Variants in CCDC85A observed in about 807,000 individuals in gnomAD.
CCDC85A encodes the protein coiled-coil domain containing 85A.
In CCDC85A, 38 loss-of-function variants were observed where a neutral mutation model predicts 50.2. The ratio of observed to expected loss-of-function variants is 0.76; its 90% CI spans 0.58 to 0.99. The LOEUF (loss-of-function observed/expected upper bound fraction) is 0.99, where lower values mean the gene tolerates loss of function less well. Among genes scored for constraint, CCDC85A ranks in the 50% least tolerant of loss-of-function variants. The pLI is 0.00. For synonymous variants in CCDC85A, 366 were observed against 301.4 expected (o/e 1.21, Z -2.22); for missense variants, 820 against 742.0 (o/e 1.11, Z -1.22).
upstream of CCDC85A, chr2:56,183,862 G>T: frequency 2.0e-6 from 2 of 985,078 alleles, no homozygotes; most frequent in Non-Finnish European, 2.4e-6. Flanking sequence ...AGGACAGCCG[G>T]GAGCGCACCT....
intron 2 of CCDC85A, among the ~76,000 whole-genome samples, chr2:56,303,276 A>G (rs2104197918): frequency 6.6e-6 from 1 of 152,264 alleles, no homozygotes; most frequent in Non-Finnish European, 1.5e-5. Context: ...TTATGTTGTA[A>G]TATTAAATGA....
chr2:56,184,877 C>T lies in CCDC85A; in HGVS notation c.253C>T (p.Leu85Phe). 1 of 1,527,258 alleles carries T rather than the reference C, an allele frequency of 6.5e-7. No homozygotes were observed. Among genetic ancestry groups the T allele is most frequent in the Non-Finnish European group, 8.8e-7 (1 of 1,140,324 alleles). 94.6% of individuals were successfully genotyped at this position (1,527,258 alleles called of 1,614,324 possible). Residue 85 changes from leucine to phenylalanine, a missense_variant, in exon 1 of 6, where the codon CTC (leucine) becomes TTC (phenylalanine). Coordinates refer to ENST00000407595, the MANE Select transcript of CCDC85A (RefSeq NM_001080433.2). ...REVNRRLQLH[L>F]GEIRGLKDIN... ...GGTGAACCGCCGCCTGCAGCTGCACCTCGGCGAGATCCGCGGCCTCAAGGT... is the reference window on the plus strand; with the variant it reads ...GGTGAACCGCCGCCTGCAGCTGCACTTCGGCGAGATCCGCGGCCTCAAGGT...
At chr2:56,347,641 T>A (rs1262954307) in intron 3 of CCDC85A, among the ~76,000 whole-genome samples, 1 of 124,506 alleles carries the variant, frequency 8.0e-6, no homozygotes, top group Non-Finnish European at 1.9e-5. Context: ...TACACACAAA[T>A]TCCCACCCCT....
intron 2 of CCDC85A, among the ~76,000 whole-genome samples, chr2:56,337,542 A>G (rs574556024): frequency 5.8e-4 from 88 of 152,222 alleles, no homozygotes; most frequent in Middle Eastern, 3.4e-3. Flanking sequence ...TGTTTACAAT[A>G]GGATCATTTT....
intron 2 of CCDC85A, among the ~76,000 whole-genome samples, chr2:56,301,185 T>A: frequency 6.6e-6 from 1 of 152,240 alleles, no homozygotes; most frequent in East Asian, 1.9e-4. Context: ...ACAATATTTC[T>A]GTTGTATGAA....
At chr2:56,253,310 A>G (rs1478328041) in intron 2 of CCDC85A, among the ~76,000 whole-genome samples, 2 of 152,202 alleles carry the variant, frequency 1.3e-5, no homozygotes, top group Non-Finnish European at 2.9e-5. Flanking sequence ...TGAGGAAAGT[A>G]TTGCCTGAGC....
intron 2 of CCDC85A, among the ~76,000 whole-genome samples, chr2:56,289,326 A>G (rs576732869): frequency 1.3e-5 from 2 of 152,242 alleles, no homozygotes; most frequent in South Asian, 4.1e-4. Context: ...AGTTGTCAAG[A>G]AAATAGATCA....
chr2:56,282,881 G>A (rs191342883), intron 2 of CCDC85A, among the ~76,000 whole-genome samples: 45 of 152,298 alleles, frequency 3.0e-4, no homozygotes, highest in African/African-American at 9.9e-4. Flanking sequence ...TAGTAGCACT[G>A]CACATCTTTT....
At chr2:56,304,644 G>A (rs1456269933) in intron 2 of CCDC85A, among the ~76,000 whole-genome samples, 1 of 152,136 alleles carries the variant, frequency 6.6e-6, no homozygotes, top group Non-Finnish European at 1.5e-5. Flanking sequence ...TTCACCTACT[G>A]CTCACTCTCT....
chr2:56,332,883 A>T lies in CCDC85A; in HGVS notation c.1241-9996A>T, dbSNP rs147549933. Among the ~76,000 whole-genome samples the T allele has an allele frequency of 4.6e-3, 695 of 152,274 alleles. 2 individuals carry two copies. The highest frequency in any genetic ancestry group is 6.8e-3 in the Middle Eastern group (2 of 294). On this transcript the variant is annotated intron_variant, in intron 2 of 5. Coordinates refer to ENST00000407595, the MANE Select transcript of CCDC85A (RefSeq NM_001080433.2). ...AGAATTGGAATTAGGCCCTATTTAAATACAAATCCTGTTTTGGCTGAAATA... is the reference window on the plus strand; with the variant it reads ...AGAATTGGAATTAGGCCCTATTTAATTACAAATCCTGTTTTGGCTGAAATA...
chr2:56,338,758 A>G (rs887164952), intron 2 of CCDC85A, among the ~76,000 whole-genome samples: 3 of 152,158 alleles, frequency 2.0e-5, no homozygotes, highest in East Asian at 1.9e-4. Context: ...TTCTCATGTC[A>G]CAGTTGGGAG....
intron 4 of CCDC85A, 133 bp from the exon 5 acceptor site, chr2:56,375,683 A>C (rs1478485670): frequency 2.4e-6 from 2 of 844,762 alleles, no homozygotes; most frequent in Non-Finnish European, 3.8e-6. Flanking sequence ...GATTGATAGC[A>C]TTGTAGACTA....
At chr2:56,353,254 G>T (rs1165518679) in intron 3 of CCDC85A, among the ~76,000 whole-genome samples, 1 of 152,208 alleles carries the variant, frequency 6.6e-6, no homozygotes, top group Admixed American at 6.5e-5. Context: ...AGTCTAATCA[G>T]TGTTGGTTTT....
At chr2:56,183,926 G>C (rs2103792875), upstream of CCDC85A, 1 of 985,434 alleles carries the variant, frequency 1.0e-6, no homozygotes, top group Middle Eastern at 5.2e-4. Flanking sequence ...TGCGGGAGCT[G>C]CTGCGGGTTA....
intron 2 of CCDC85A, among the ~76,000 whole-genome samples, chr2:56,240,132 C>A (rs1435652970): frequency 6.6e-6 from 1 of 152,030 alleles, no homozygotes; most frequent in African/African-American, 2.4e-5. Context: ...TTTCATCATC[C>A]CAAAAAGAGA....
intron 2 of CCDC85A, among the ~76,000 whole-genome samples, chr2:56,300,631 A>T (rs1672159344): frequency 6.6e-6 from 1 of 152,220 alleles, no homozygotes; most frequent in African/African-American, 2.4e-5. Flanking sequence ...ACTTTCAAGA[A>T]GGGAATACCT....
chr2:56,360,922 C>G (rs1282212611), intron 3 of CCDC85A, among the ~76,000 whole-genome samples: 1 of 152,196 alleles, frequency 6.6e-6, no homozygotes, highest in Non-Finnish European at 1.5e-5. Flanking sequence ...AGTGGGCTTC[C>G]ACTGCTTTTC....
rs2103983497 is a variant in CCDC85A at position 56,247,855 on chromosome 2, G to A, written c.1240+54415G>A. ...AATACATTGATTCAAATAAACAAGT[G>A]GAAAATTTGAGGATATTGGAATTGG... On this transcript the variant is annotated intron_variant, in intron 2 of 5. Coordinates refer to ENST00000407595, the MANE Select transcript of CCDC85A (RefSeq NM_001080433.2). Among the ~76,000 whole-genome samples the A allele has an allele frequency of 3.3e-5, 5 of 152,318 alleles. No homozygotes were observed. In the Middle Eastern group the frequency reaches 0.017, roughly 518 times the overall value.
At chr2:56,357,655 CTTTTTTT>C (rs67738219) in intron 3 of CCDC85A, among the ~76,000 whole-genome samples, 3 of 114,640 alleles carry the variant, frequency 2.6e-5, no homozygotes, top group African/African-American at 1.0e-4. Flanking sequence ...TGTCCATTTC[CTTTTTTT>C]TTTTTTTTTG....
Sources: allele counts gnomAD v4.1 joint callset (sites outside exome capture counted in the v4.1 genomes callset), GRCh38; gene constraint gnomAD v4.1.1; transcripts MANE v1.5; gene names NCBI Gene and HGNC (gene_info 2026-07-23, HGNC 2026-07-21).